AK5: variants seen among roughly 807,000 people sequenced by gnomAD.
AK5 encodes adenylate kinase isoenzyme 5.
AK5 carries 27 observed loss-of-function variants against 69.5 expected under a neutral mutation model. The ratio of observed to expected loss-of-function variants is 0.39; its 90% CI spans 0.29 to 0.54. The LOEUF (loss-of-function observed/expected upper bound fraction) is 0.54. AK5 is among the 20% of genes least tolerant of loss of function. The pLI, the probability that AK5 is intolerant of heterozygous loss-of-function variation, is 0.71. For missense variants in AK5, 531 were observed against 700.4 expected (o/e 0.76, Z 2.73); for synonymous variants, 260 against 244.4 (o/e 1.06, Z -0.60).
chr1:77,556,374 C>A (rs1461477744), intron 13 of AK5, among the ~76,000 whole-genome samples: 1 of 152,140 alleles, frequency 6.6e-6, no homozygotes, highest in East Asian at 1.9e-4. Context: ...GTTTTTGAAC[C>A]TTATATAAAC....
chr1:77,412,200 C>G (rs1650088300), intron 7 of AK5, among the ~76,000 whole-genome samples: 1 of 152,172 alleles, frequency 6.6e-6, no homozygotes, highest in African/African-American at 2.4e-5. Flanking sequence ...TCGTGGCTCC[C>G]TAGCGGTGTT....
chr1:77,330,817 TATG>T (rs1306067717), intron 5 of AK5, among the ~76,000 whole-genome samples: 1 of 152,238 alleles, frequency 6.6e-6, no homozygotes, highest in African/African-American at 2.4e-5. Flanking sequence ...TGACATATTT[TATG>T]ATATTAAGTG....
At chr1:77,515,931 T>C (rs947722119) in intron 10 of AK5, among the ~76,000 whole-genome samples, 1 of 152,176 alleles carries the variant, frequency 6.6e-6, no homozygotes, top group Admixed American at 6.5e-5. Context: ...TGTGCACCTG[T>C]GGGACCCGTA....
chr1:77,379,409 C>T (rs1647468589), intron 6 of AK5, among the ~76,000 whole-genome samples: 1 of 152,160 alleles, frequency 6.6e-6, no homozygotes, highest in African/African-American at 2.4e-5. Context: ...AATTATTTAT[C>T]CTTTGGACTT....
chr1:77,294,030 G>C, intron 3 of AK5, 70 bp downstream of exon 3: 22 of 1,435,770 alleles, frequency 1.5e-5, no homozygotes, highest in Non-Finnish European at 1.9e-5. Flanking sequence ...TTTCAAAAAA[G>C]TAAATCATAT....
intron 6 of AK5, among the ~76,000 whole-genome samples, chr1:77,373,492 C>T (rs549642053): frequency 2.0e-5 from 3 of 152,092 alleles, no homozygotes; most frequent in East Asian, 1.9e-4. Context: ...TTTGGAAGGC[C>T]GAGGCGGGTG....
intron 6 of AK5, 31 bp from the exon 7 acceptor site, chr1:77,410,950 T>C (rs372741811): frequency 1.1e-5 from 18 of 1,585,094 alleles, no homozygotes; most frequent in African/African-American, 2.7e-5. Context: ...TATTCTCACA[T>C]TCCAAACTTG....
intron 6 of AK5, among the ~76,000 whole-genome samples, chr1:77,341,972 T>C (rs564738117): frequency 1.3e-5 from 2 of 152,052 alleles, no homozygotes; most frequent in Non-Finnish European, 1.5e-5. Flanking sequence ...GATCTCAGCT[T>C]ACTGCAACCT....
At chr1:77,469,095 T>G (rs1654312651) in intron 8 of AK5, among the ~76,000 whole-genome samples, 1 of 152,258 alleles carries the variant, frequency 6.6e-6, no homozygotes, top group Non-Finnish European at 1.5e-5. Context: ...TCTTAATGGC[T>G]TAAAACAACA....
intron 6 of AK5, among the ~76,000 whole-genome samples, chr1:77,390,104 G>C (rs1453590191): frequency 6.6e-6 from 1 of 152,222 alleles, no homozygotes; most frequent in Non-Finnish European, 1.5e-5. Context: ...GTAATTCTGT[G>C]ATTTGGTGAA....
At chr1:77,396,948 A>G (rs1030011965) in intron 6 of AK5, among the ~76,000 whole-genome samples, 1 of 152,224 alleles carries the variant, frequency 6.6e-6, no homozygotes, top group Non-Finnish European at 1.5e-5. Flanking sequence ...CGTGCCATGC[A>G]CATGAGCCCA....
intron 2 of AK5, among the ~76,000 whole-genome samples, chr1:77,292,354 A>T (rs1475815189): frequency 2.6e-5 from 4 of 152,212 alleles, no homozygotes; most frequent in Non-Finnish European, 2.9e-5. Context: ...CATGAAGCTA[A>T]AATGAATCTA....
At chr1:77,325,182 T>G (rs1660740990) in intron 5 of AK5, among the ~76,000 whole-genome samples, 1 of 151,574 alleles carries the variant, frequency 6.6e-6, no homozygotes, top group Middle Eastern at 3.4e-3. Flanking sequence ...TTTTTGTATT[T>G]TGTATTTTTT....
chr1:77,294,271 G>C (rs1264997438), intron 3 of AK5, among the ~76,000 whole-genome samples: 1 of 151,942 alleles, frequency 6.6e-6, no homozygotes, highest in South Asian at 2.1e-4. Context: ...ATTTAATCTT[G>C]ATCACAGATA....
intron 5 of AK5, among the ~76,000 whole-genome samples, chr1:77,310,902 T>A (rs1454998365): frequency 6.6e-6 from 1 of 152,146 alleles, no homozygotes. Flanking sequence ...AATAAGGTTT[T>A]ATAATTTTTC....
intron 8 of AK5, among the ~76,000 whole-genome samples, chr1:77,419,077 A>G (rs1054494164): frequency 6.6e-5 from 10 of 151,910 alleles, no homozygotes; most frequent in African/African-American, 2.4e-4. Context: ...TAGAAGAGTA[A>G]TTTACCCAAG....
At chr1:77,380,637 A>G (rs144766510) in intron 6 of AK5, among the ~76,000 whole-genome samples, 2 of 152,346 alleles carry the variant, frequency 1.3e-5, no homozygotes, top group African/African-American at 4.8e-5. Context: ...GGGGAGTGCA[A>G]ATATGACTAA....
intron 8 of AK5, among the ~76,000 whole-genome samples, chr1:77,475,434 TGTATATATATTATATATATAC>T (rs1654847441): frequency 7.6e-4 from 3 of 3,960 alleles, no homozygotes; most frequent in African/African-American, 9.5e-4. Context: ...ATTATATATA[TGTATATATATTATATATATAC>T]AAATATATAT....
At chr1:77,547,220 A>T (rs1167968755) in intron 13 of AK5, among the ~76,000 whole-genome samples, 1 of 151,988 alleles carries the variant, frequency 6.6e-6, no homozygotes, top group African/African-American at 2.4e-5. Flanking sequence ...TTAACTATTT[A>T]ACCTAATATA....
Sources: gnomAD v4.1 joint callset for allele counts (sites outside exome capture counted in the v4.1 genomes callset) on GRCh38, gnomAD v4.1.1 for gene constraint, MANE v1.5 for transcripts, NCBI Gene and HGNC (gene_info 2026-07-23, HGNC 2026-07-21) for gene names.